Variants in MORN1 observed in about 807,000 individuals in gnomAD.
The protein encoded by MORN1 is MORN repeat-containing protein 1.
In MORN1, 67 loss-of-function variants were observed where a neutral mutation model predicts 61.9. The observed-to-expected ratio is 1.08, with a 90% confidence interval of 0.89 to 1.33. MORN1 has a LOEUF of 1.33. MORN1 is among the 40% of genes most tolerant of loss of function. The pLI is 0.00. For synonymous variants in MORN1, 301 were observed against 292.0 expected, an observed-to-expected ratio of 1.03 and a Z score of -0.31; for missense variants, 752 against 691.2, an observed-to-expected ratio of 1.09 and a Z score of -0.99.
rs547531587 is a variant in MORN1 at position 2,348,397 on chromosome 1, C to T, written c.1036+9035G>A. Among the ~76,000 whole-genome samples, 14 of 152,316 alleles carry T rather than the reference C, an allele frequency of 9.2e-5. No homozygotes were observed. In the South Asian group the frequency reaches 2.9e-3, roughly 32 times the overall value. On this transcript the variant is annotated intron_variant, in intron 10 of 13. Transcript: ENST00000378531. ...GTCCACCGTGAGGCTGGTGGCGCGT[C>T]TCCGTGGGGAGCTGACTCCTCCTCC...
intron 10 of MORN1, among the ~76,000 whole-genome samples, chr1:2,356,112 G>A (rs1318034419): frequency 6.6e-6 from 1 of 152,178 alleles, no homozygotes; most frequent in Non-Finnish European, 1.5e-5. Context: ...TGGGGCTCAG[G>A]TCTAGAGTAG....
At chr1:2,373,924 A>G (rs1642178729) in intron 7 of MORN1, among the ~76,000 whole-genome samples, 1 of 152,230 alleles carries the variant, frequency 6.6e-6, no homozygotes, top group African/African-American at 2.4e-5. Flanking sequence ...GCAGGGCCAG[A>G]GTCGGTGCTG....
chr1:2,374,230 C>T (rs1295872903), intron 7 of MORN1, among the ~76,000 whole-genome samples: 1 of 152,238 alleles, frequency 6.6e-6, no homozygotes, highest in Non-Finnish European at 1.5e-5. Flanking sequence ...ATGACGAGGC[C>T]ACCCCCAGAC....
intron 10 of MORN1, among the ~76,000 whole-genome samples, chr1:2,354,166 G>C (rs1246390216): frequency 2.0e-5 from 3 of 152,264 alleles, no homozygotes; most frequent in East Asian, 3.9e-4. Context: ...GGTTAGTCCT[G>C]CTGGGTCCTT....
chr1:2,345,706 G>A (rs780075995), intron 10 of MORN1, among the ~76,000 whole-genome samples: 7 of 152,194 alleles, frequency 4.6e-5, no homozygotes, highest in Admixed American at 6.5e-5. Flanking sequence ...GCCAGGCTGC[G>A]GTGAGCAGCT....
chr1:2,356,552 A>G (rs1277572275), intron 10 of MORN1, among the ~76,000 whole-genome samples: 1 of 152,102 alleles, frequency 6.6e-6, no homozygotes, highest in African/African-American at 2.4e-5. Context: ...AAGGCCCCCA[A>G]ACTCAAAGTG....
chr1:2,322,856 T>C, intron 13 of MORN1: 1 of 985,234 alleles, frequency 1.0e-6, no homozygotes, highest in Non-Finnish European at 1.2e-6. Flanking sequence ...TCCCGGCGGA[T>C]GGGAAGGGTG....
At position 2,339,840 on chromosome 1, in the gene MORN1, C is replaced by T. The variant is rs1037674840; in HGVS notation, c.1037-2990G>A. ...GGGCCAGAAACACCACACAAGCTTGCGCATCCCCTAAAGAAAACGAGGGCA... is the reference window on the plus strand; with the variant it reads ...GGGCCAGAAACACCACACAAGCTTGTGCATCCCCTAAAGAAAACGAGGGCA... On this transcript the variant is annotated intron_variant, in intron 10 of 13. Transcript: ENST00000378531. Among the ~76,000 whole-genome samples the T allele has an allele frequency of 3.9e-5, 6 of 152,234 alleles. No homozygotes were observed. In the East Asian group the frequency reaches 9.7e-4, roughly 24 times the overall value.
chr1:2,335,455 T>G (rs954679138), intron 12 of MORN1, among the ~76,000 whole-genome samples: 24 of 152,116 alleles, frequency 1.6e-4, no homozygotes, highest in Non-Finnish European at 2.1e-4. Context: ...GCGCTGGGGA[T>G]GCCTGGAGCC....
At chr1:2,379,084 G>A (rs1236467538) in intron 6 of MORN1, 2 of 471,058 alleles carry the variant, frequency 4.2e-6, no homozygotes, top group African/African-American at 2.0e-5. Flanking sequence ...TGCAAGGCAG[G>A]AGACACGGTT....
chr1:2,342,871 A>T (rs12735747), intron 10 of MORN1, among the ~76,000 whole-genome samples: 13,895 of 62,774 alleles, frequency 0.22, 1,084 homozygotes, highest in East Asian at 0.38. Flanking sequence ...TATTTTATTT[A>T]TTTTATTTTA....
At chr1:2,390,109 CG>C in intron 1 of MORN1, 113 bp from the exon 2 acceptor site, 1 of 988,280 alleles carries the variant, frequency 1.0e-6, no homozygotes, top group South Asian at 1.3e-5. Context: ...GGTTGGTACA[CG>C]TCACCTTCAG....
Position 2,323,738 on chromosome 1 carries a change from A to G in MORN1, c.1297+359T>C, listed in dbSNP as rs532082179. ...CGGCCTTGCTGGGGAGCAGCTCCTCATGGTTCAGCCACTGTGGGCCTTGAC... is the reference window on the plus strand; with the variant it reads ...CGGCCTTGCTGGGGAGCAGCTCCTCGTGGTTCAGCCACTGTGGGCCTTGAC... On this transcript the variant is annotated intron_variant, in intron 13 of 13. Transcript: ENST00000378531. 18 of 985,172 alleles carry G rather than the reference A, an allele frequency of 1.8e-5. No individual in the cohort carries two copies. In the African/African-American group the frequency reaches 2.6e-4, roughly 14 times the overall value. The allele number at this position is 985,172 out of a possible 1,614,324, so 61.0% of individuals were successfully genotyped here.
intron 8 of MORN1, among the ~76,000 whole-genome samples, chr1:2,369,448 T>TA (rs1642070283): frequency 6.6e-6 from 1 of 151,824 alleles, no homozygotes; most frequent in African/African-American, 2.4e-5. Context: ...GGAGGTAATG[T>TA]AAAAACCTTG....
At position 2,390,505 on chromosome 1, in the gene MORN1, G is replaced by C. The variant is rs573781643; in HGVS notation, c.77-509C>G. The C allele has an allele frequency of 1.3e-5, 13 of 985,390 alleles. No individual in the cohort carries two copies. In the East Asian group the frequency reaches 1.0e-3, roughly 77 times the overall value. The allele number at this position is 985,390 out of a possible 1,614,324, so 61.0% of individuals were successfully genotyped here. On this transcript the variant is annotated intron_variant, in intron 1 of 13. Coordinates refer to ENST00000378531, the MANE Select transcript of MORN1 (RefSeq NM_024848.3). ...CCGGCTTCATCTCCTCCTAGTTGCT[G>C]GGTGTGCCACCCGCCAACTCCTGCA...
intron 10 of MORN1, among the ~76,000 whole-genome samples, chr1:2,347,563 G>C (rs1376303666): frequency 6.6e-6 from 1 of 152,092 alleles, no homozygotes; most frequent in Non-Finnish European, 1.5e-5. Context: ...GCCATTGCTG[G>C]ACAGGCCCCA....
intron 1 of MORN1, chr1:2,390,387 G>A (rs1427494079): frequency 7.2e-6 from 7 of 978,322 alleles, no homozygotes; most frequent in African/African-American, 3.5e-5. Flanking sequence ...GGCACACAGG[G>A]GAGGAGCAGA....
At chr1:2,328,258 G>A (rs1324967841) in intron 12 of MORN1, among the ~76,000 whole-genome samples, 1 of 152,280 alleles carries the variant, frequency 6.6e-6, no homozygotes, top group South Asian at 2.1e-4. Context: ...CCAGGCCAGG[G>A]AGGGCGGTTT....
At chr1:2,324,203 T>C (rs1335708288) in intron 12 of MORN1, 60 bp from the exon 13 acceptor site, 1 of 1,524,142 alleles carries the variant, frequency 6.6e-7, no homozygotes, top group Non-Finnish European at 8.9e-7. Flanking sequence ...CGACATGGCA[T>C]CCCTGACCTG....
Sources: allele counts gnomAD v4.1 joint callset (sites outside exome capture counted in the v4.1 genomes callset), GRCh38; gene constraint gnomAD v4.1.1; transcripts MANE v1.5; gene names NCBI Gene and HGNC (gene_info 2026-07-23, HGNC 2026-07-21).